Variants in HSD17B12 observed in about 807,000 individuals in gnomAD.
HSD17B12 encodes hydroxysteroid 17-beta dehydrogenase 12.
Under a neutral mutation model 39.3 loss-of-function variants are expected in HSD17B12, and 32 were observed. The ratio of observed to expected loss-of-function variants is 0.81; its 90% CI spans 0.61 to 1.09. The LOEUF is 1.09. Among genes scored for constraint, HSD17B12 ranks in the 50% least tolerant of loss-of-function variants. The pLI is 0.00. For missense variants in HSD17B12, 342 were observed against 382.9 expected (o/e 0.89, Z 0.89); for synonymous variants, 150 against 146.7 (o/e 1.02, Z -0.16).
In HSD17B12 at chr11:43,681,431, T is replaced by G. The variant is rs575163445; in HGVS notation, c.160+444T>G. ...TGTGCTAAGGATGCAGAGCATTCTG[T>G]TAACATGTTTGGGCAGAGGATGGAA... On this transcript the variant is annotated intron_variant, in intron 1 of 10. Transcript: ENST00000278353. 3 of 155,320 alleles carry G rather than the reference T, an allele frequency of 1.9e-5. No individual in the cohort carries two copies. In the South Asian group the frequency reaches 5.5e-4, roughly 29 times the overall value. The allele number at this position is 155,320 out of a possible 1,614,324, so 9.6% of individuals were successfully genotyped here. A position where few individuals can be genotyped will look rare whatever the true frequency, so the allele number is the denominator to read the frequency against.
intron 1 of HSD17B12, among the ~76,000 whole-genome samples, chr11:43,711,009 T>C (rs912256512): frequency 2.0e-5 from 3 of 152,172 alleles, no homozygotes; most frequent in African/African-American, 7.2e-5. Flanking sequence ...GCCAGGCTGG[T>C]CTCGAACTCC....
chr11:43,785,979 G>T (rs1276054992), intron 3 of HSD17B12, among the ~76,000 whole-genome samples: 1 of 152,148 alleles, frequency 6.6e-6, no homozygotes, highest in African/African-American at 2.4e-5. Context: ...TAAGCTGATG[G>T]GGGTGGATAC....
intron 4 of HSD17B12, among the ~76,000 whole-genome samples, chr11:43,801,756 A>C (rs995857271): frequency 6.6e-5 from 10 of 152,136 alleles, no homozygotes; most frequent in Non-Finnish European, 1.2e-4. Context: ...CCTGGAGATC[A>C]TCCAAGGAGA....
the HSD17B12 span, among the ~76,000 whole-genome samples, chr11:43,650,670 G>T: frequency 6.6e-6 from 1 of 152,166 alleles, no homozygotes; most frequent in Admixed American, 6.5e-5. Flanking sequence ...GTTTTTCATG[G>T]CAGAGTCTCA....
chr11:43,648,417 C>T, the HSD17B12 span, among the ~76,000 whole-genome samples: 1 of 151,786 alleles, frequency 6.6e-6, no homozygotes, highest in Non-Finnish European at 1.5e-5. Context: ...CAGAATTTGG[C>T]CTGCAAAAAA....
chr11:43,708,546 G>C (rs916004802), intron 1 of HSD17B12, among the ~76,000 whole-genome samples: 1 of 152,134 alleles, frequency 6.6e-6, no homozygotes, highest in Non-Finnish European at 1.5e-5. Flanking sequence ...CATTTTTGCT[G>C]AACATATAAA....
At chr11:43,573,473 G>A in the HSD17B12 span, among the ~76,000 whole-genome samples, 1 of 152,234 alleles carries the variant, frequency 6.6e-6, no homozygotes, top group East Asian at 1.9e-4. Context: ...GAGGAGCAAA[G>A]ACATTGAATC....
intron 1 of HSD17B12, among the ~76,000 whole-genome samples, chr11:43,735,801 A>C (rs988437611): frequency 2.0e-5 from 3 of 152,174 alleles, no homozygotes; most frequent in African/African-American, 4.8e-5. Context: ...ATGGCTGGGG[A>C]GGCCTCAGGA....
Position 43,681,233 on chromosome 11 carries a change from G to A in HSD17B12, c.160+246G>A. 3.5e-6 allele frequency: 4 copies of A among 1,132,580 alleles called. No homozygotes were observed. The South Asian group carries it at 9.6e-5, about 27-fold the overall frequency. 70.2% of individuals were successfully genotyped at this position (1,132,580 alleles called of 1,614,324 possible). On this transcript the variant is annotated intron_variant, in intron 1 of 10. Coordinates refer to ENST00000278353, the MANE Select transcript of HSD17B12 (RefSeq NM_016142.3). ...TCCTGGGAATCTAAGCTCAGCTTAG[G>A]GTGTAGGAGAAAACTGCCTTAAGTC...
At chr11:43,811,870 A>C (rs1951076473) in intron 4 of HSD17B12, among the ~76,000 whole-genome samples, 1 of 151,818 alleles carries the variant, frequency 6.6e-6, no homozygotes, top group Admixed American at 6.6e-5. Flanking sequence ...TCCCTCACCC[A>C]CCCACACACA....
chr11:43,597,772 C>T, the HSD17B12 span, among the ~76,000 whole-genome samples: 11 of 152,074 alleles, frequency 7.2e-5, no homozygotes, highest in Non-Finnish European at 1.6e-4. Context: ...GGAGCTGGAA[C>T]TACAGGCACG....
chr11:43,642,803 T>G, the HSD17B12 span, among the ~76,000 whole-genome samples: 1 of 151,922 alleles, frequency 6.6e-6, no homozygotes, highest in African/African-American at 2.4e-5. Context: ...GTATATGGCA[T>G]TTGTCTTAAT....
At chr11:43,564,229 C>T in the HSD17B12 span, among the ~76,000 whole-genome samples, 1 of 152,206 alleles carries the variant, frequency 6.6e-6, no homozygotes, top group African/African-American at 2.4e-5. Flanking sequence ...CTGACCACCA[C>T]ATCTTGAGTA....
chr11:43,580,582 T>C, the HSD17B12 span, among the ~76,000 whole-genome samples: 8 of 152,076 alleles, frequency 5.3e-5, no homozygotes, highest in Non-Finnish European at 1.2e-4. Flanking sequence ...GGGTTTATTT[T>C]ATGTTCATCT....
intron 2 of HSD17B12, among the ~76,000 whole-genome samples, chr11:43,753,586 TA>T (rs1295911438): frequency 6.6e-6 from 1 of 151,004 alleles, no homozygotes; most frequent in Non-Finnish European, 1.5e-5. Context: ...TTTTTTTTTT[TA>T]ATTTTTTGTA....
At chr11:43,675,938 C>T (rs1416638392), upstream of HSD17B12, among the ~76,000 whole-genome samples, 1 of 151,980 alleles carries the variant, frequency 6.6e-6, no homozygotes. Flanking sequence ...ATGGTGAAAC[C>T]CTGTCTCTAC....
chr11:43,856,279 T>G lies in HSD17B12; in HGVS notation c.*1031T>G, dbSNP rs1426530811. The stretch of plus-strand genomic sequence containing the variant: ...ATATAAGACTGACTTTTATCCTGCT[T>G]CATAACTTGTATGGAGAACTCACCA... On this transcript the variant is annotated 3_prime_UTR_variant, in exon 11 of 11. Coordinates refer to ENST00000278353, the MANE Select transcript of HSD17B12 (RefSeq NM_016142.3). 9.9e-5 allele frequency: 15 copies of G among 152,230 alleles called. No individual in the cohort carries two copies. Among genetic ancestry groups the G allele is most frequent in the Admixed American group, 9.8e-4 (15 of 15,278 alleles). 9.4% of individuals were successfully genotyped at this position (152,230 alleles called of 1,614,324 possible).
intron 1 of HSD17B12, among the ~76,000 whole-genome samples, chr11:43,696,096 G>T (rs1018072403): frequency 4.6e-5 from 7 of 152,192 alleles, no homozygotes; most frequent in South Asian, 2.1e-4. Flanking sequence ...AGAACATGTG[G>T]TATTTGGTTT....
intron 9 of HSD17B12, among the ~76,000 whole-genome samples, chr11:43,849,891 A>C (rs1015149946): frequency 2.6e-5 from 4 of 152,214 alleles, no homozygotes; most frequent in African/African-American, 9.6e-5. Flanking sequence ...GTTTAGTGTT[A>C]AGTGAATGCC....
Sources: gnomAD v4.1 joint callset for allele counts (sites outside exome capture counted in the v4.1 genomes callset) on GRCh38, gnomAD v4.1.1 for gene constraint, MANE v1.5 for transcripts, NCBI Gene and HGNC (gene_info 2026-07-23, HGNC 2026-07-21) for gene names.